The following IGFBP2 variants were observed in gnomAD, a reference collection of about 807,000 sequenced individuals.
The protein encoded by IGFBP2 is insulin-like growth factor-binding protein 2.
In IGFBP2, 12 loss-of-function variants were observed where a neutral mutation model predicts 26.2. That is an observed-to-expected ratio of 0.46 (90% CI 0.29 to 0.74). The LOEUF (loss-of-function observed/expected upper bound fraction) is 0.74, where lower values mean the gene tolerates loss of function less well. Ranked by LOEUF, IGFBP2 falls within the 30% of genes least tolerant of loss-of-function variation. IGFBP2 has a pLI of 0.09. For synonymous variants in IGFBP2, 189 were observed against 200.6 expected (o/e 0.94, Z 0.49); for missense variants, 328 against 441.2 (o/e 0.74, Z 2.30).
At position 216,660,803 on chromosome 2, in the gene IGFBP2, T is replaced by G; in HGVS notation, c.672+17T>G. The G allele has an allele frequency of 1.3e-6, 2 of 1,554,966 alleles. No homozygotes were observed. Among genetic ancestry groups the G allele is most frequent in the Non-Finnish European group, 1.7e-6 (2 of 1,149,304 alleles). On this transcript the variant is annotated intron_variant, in intron 2 of 3. Coordinates refer to ENST00000233809, the MANE Select transcript of IGFBP2 (RefSeq NM_000597.3). The stretch of plus-strand genomic sequence containing the variant: ...CCTGCCAGGGTCAGTGAGGGTCAGG[T>G]CTGGTGGAAGGGGTGGGAGGACAAG...
In IGFBP2 at chr2:216,643,405, G is replaced by A. The variant is rs189957093; in HGVS notation, c.442+9440G>A. 7.9e-5 allele frequency among the ~76,000 whole-genome samples: 12 copies of A among 152,242 alleles called. No homozygotes were observed. The East Asian group carries it at 1.9e-3, about 24-fold the overall frequency. On this transcript the variant is annotated intron_variant, in intron 1 of 3. Transcript: ENST00000233809. ...CAGCCTGTCTGTGCACAATGATGCC[G>A]AAGACTTTCTTTTCCAGCATCTAAT... is the stretch of plus-strand genomic sequence containing the variant.
intron 1 of IGFBP2, among the ~76,000 whole-genome samples, chr2:216,652,065 A>G (rs764856151): frequency 4.3e-4 from 64 of 147,996 alleles, no homozygotes; most frequent in South Asian, 2.2e-4. Context: ...CCTGGCCACC[A>G]CACATTTTTT....
chr2:216,660,605 A>G lies in IGFBP2; in HGVS notation c.491A>G (p.Asp164Gly). ...GGAGGCCTGGTGGAGAACCACGTGGACAGCACCATGAACATGTTGGGCGGG... is the reference window on the plus strand; with the variant it reads ...GGAGGCCTGGTGGAGAACCACGTGGGCAGCACCATGAACATGTTGGGCGGG... ...SEGGLVENHV[D>G]STMNMLGGGG... The change falls in exon 2 of 4, where the codon GAC becomes GGC. Residue 164 changes from aspartate (D) to glycine (G), a missense_variant. Physicochemically the swap from Asp to Gly is moderately conservative, Grantham distance 94. Coordinates refer to ENST00000233809, the MANE Select transcript of IGFBP2 (RefSeq NM_000597.3). 6.2e-7 allele frequency: 1 copy of G among 1,613,878 alleles called. No individual in the cohort carries two copies.
chr2:216,633,431 G>T lies in IGFBP2; in HGVS notation c.-93G>T, dbSNP rs1460084770. 1 of 197,138 alleles carries T rather than the reference G, an allele frequency of 5.1e-6. No homozygotes were observed. The highest frequency in any genetic ancestry group is 2.4e-5 in the African/African-American group (1 of 42,244). The allele number at this position is 197,138 out of a possible 1,614,324, so 12.2% of individuals were successfully genotyped here. A position where few individuals can be genotyped will look rare whatever the true frequency, so the allele number is the denominator to read the frequency against. On this transcript the variant is annotated 5_prime_UTR_variant, in exon 1 of 4. Transcript: ENST00000233809. ...CGGCGGCGAGGGAGGAGGAAGAAGC[G>T]GAGGAGGCGGCTCCCGCGCTCGCAG...
chr2:216,664,335 T>A lies in IGFBP2; in HGVS notation c.*231T>A. 2.4e-6 allele frequency: 1 copy of A among 410,318 alleles called. No homozygotes were observed. Among genetic ancestry groups the A allele is most frequent in the Non-Finnish European group, 4.3e-6 (1 of 231,266 alleles). 25.4% of individuals were successfully genotyped at this position (410,318 alleles called of 1,614,324 possible). On this transcript the variant is annotated 3_prime_UTR_variant, in exon 4 of 4. Transcript: ENST00000233809. The surrounding 1 kb of genome is among the most constrained non-coding windows in gnomAD (Gnocchi z 4.6). ...TTTCCCCGGGGGAGGAAGGGGGTTG[T>A]GGTCGGGGAGCTGGGGTACAGGTTT...
At chr2:216,634,002 G>A (rs1275565133) in intron 1 of IGFBP2, 37 bp downstream of exon 1, 1 of 1,546,050 alleles carries the variant, frequency 6.5e-7, no homozygotes. Flanking sequence ...GGAGAAACTT[G>A]GAGGGCAGCG....
At position 216,664,429 on chromosome 2, in the gene IGFBP2, A is replaced by G. The variant is rs1688722700; in HGVS notation, c.*325A>G. 5.0e-6 allele frequency: 1 copy of G among 199,116 alleles called. No homozygotes were observed. Among genetic ancestry groups the G allele is most frequent in the Non-Finnish European group, 1.0e-5 (1 of 99,242 alleles). 12.3% of individuals were successfully genotyped at this position (199,116 alleles called of 1,614,324 possible). ...CTTTTGCATAAGATTAAAGGAAGGAAAAGTAAAGTGTGTGTCTTTTGCCTG... is the reference window on the plus strand; with the variant it reads ...CTTTTGCATAAGATTAAAGGAAGGAGAAGTAAAGTGTGTGTCTTTTGCCTG... On this transcript the variant is annotated 3_prime_UTR_variant, in exon 4 of 4. Transcript: ENST00000233809. The surrounding 1 kb of genome is among the most constrained non-coding windows in gnomAD (Gnocchi z 4.6).
At chr2:216,649,776 A>G (rs1697783131) in intron 1 of IGFBP2, among the ~76,000 whole-genome samples, 2 of 152,170 alleles carry the variant, frequency 1.3e-5, no homozygotes, top group Admixed American at 1.3e-4. Flanking sequence ...CCTGATGTTT[A>G]TAAAGGAGCC....
At chr2:216,637,993 G>A (rs1311701130) in intron 1 of IGFBP2, among the ~76,000 whole-genome samples, 1 of 152,164 alleles carries the variant, frequency 6.6e-6, no homozygotes. Context: ...TTGGAGACCA[G>A]CCTGGCCAGT....
chr2:216,641,380 A>C (rs1483604236), intron 1 of IGFBP2, among the ~76,000 whole-genome samples: 1 of 152,182 alleles, frequency 6.6e-6, no homozygotes, highest in African/African-American at 2.4e-5. Context: ...CTTATTTGCA[A>C]ATCAGAAATT....
chr2:216,662,019 G>A (rs1473489758), intron 3 of IGFBP2, 21 bp downstream of exon 3: 1 of 1,612,690 alleles, frequency 6.2e-7, no homozygotes, highest in South Asian at 1.1e-5. Flanking sequence ...TGCCAGCCTG[G>A]GCCAGAGCAG....
intron 1 of IGFBP2, among the ~76,000 whole-genome samples, chr2:216,658,967 G>T (rs1697974904): frequency 5.3e-5 from 8 of 152,250 alleles, no homozygotes. Context: ...GAGGGTCTGT[G>T]TGGGGAGAAC....
In IGFBP2 at chr2:216,633,522, G is replaced by A; in HGVS notation, c.-2G>A. ...CGCCGCGCCGCGCTGCCGACCGCCA[G>A]CATGCTGCCGAGAGTGGGCTGCCCC... On this transcript the variant is annotated 5_prime_UTR_variant, in exon 1 of 4. Coordinates refer to ENST00000233809, the MANE Select transcript of IGFBP2 (RefSeq NM_000597.3). 1.2e-6 allele frequency: 1 copy of A among 816,812 alleles called. No homozygotes were observed. Among genetic ancestry groups the A allele is most frequent in the Non-Finnish European group, 1.5e-6 (1 of 673,612 alleles). 50.6% of individuals were successfully genotyped at this position (816,812 alleles called of 1,614,324 possible). A position where few individuals can be genotyped will look rare whatever the true frequency, so the allele number is the denominator to read the frequency against.
At chr2:216,647,368 T>C (rs1697730619) in intron 1 of IGFBP2, among the ~76,000 whole-genome samples, 1 of 152,226 alleles carries the variant, frequency 6.6e-6, no homozygotes, top group Non-Finnish European at 1.5e-5. Flanking sequence ...GAAGCTTCTG[T>C]CCTTAGGAGG....
rs1553545471 is a variant in IGFBP2 at position 216,633,567 on chromosome 2, C to CGCCGCCGCT, written c.49_50insCGCTGCCGC (p.Pro16_Leu17insProLeuPro). On this transcript the variant is annotated inframe_insertion, in exon 1 of 4. Coordinates refer to ENST00000233809, the MANE Select transcript of IGFBP2 (RefSeq NM_000597.3). ...TGCCCCGCGCTGCCGCTGCCGCCGC[C>CGCCGCCGCT]GCCGCTGCTGCCGCTGCTGCTGCTG... The CGCCGCCGCT allele has an allele frequency of 3.1e-5, 30 of 970,468 alleles. No homozygotes were observed. The South Asian group carries it at 3.4e-4, about 11-fold the overall frequency. The allele number at this position is 970,468 out of a possible 1,614,324, so 60.1% of individuals were successfully genotyped here. A position where few individuals can be genotyped will look rare whatever the true frequency, so the allele number is the denominator to read the frequency against.
Position 216,662,014 on chromosome 2 carries a change from G to C in IGFBP2, c.813+16G>C, listed in dbSNP as rs1054902428. The C allele has an allele frequency of 4.3e-6, 7 of 1,613,300 alleles. No homozygotes were observed. The highest frequency in any genetic ancestry group is 5.9e-6 in the Non-Finnish European group (7 of 1,179,532). On this transcript the variant is annotated intron_variant, in intron 3 of 3. Coordinates refer to ENST00000233809, the MANE Select transcript of IGFBP2 (RefSeq NM_000597.3). ...CCTCAAACAGGTGAGCATGGTGCCA[G>C]CCTGGGCCAGAGCAGCTCCTCCTCA...
intron 1 of IGFBP2, among the ~76,000 whole-genome samples, chr2:216,645,197 G>A (rs1697687587): frequency 6.6e-6 from 1 of 152,210 alleles, no homozygotes; most frequent in African/African-American, 2.4e-5. Flanking sequence ...AGTTGCTATA[G>A]CAACAGTGGT....
intron 1 of IGFBP2, among the ~76,000 whole-genome samples, chr2:216,652,267 G>A (rs569167796): frequency 2.2e-4 from 33 of 150,202 alleles, no homozygotes; most frequent in East Asian, 3.9e-4. Context: ...TCCGCTTCCC[G>A]GGTTCAAGTG....
Position 216,633,574 on chromosome 2 carries a change from G to GCTGCCGCT in IGFBP2, c.52_59dup (p.Leu21CysfsTer150). 1.0e-6 allele frequency: 1 copy of GCTGCCGCT among 1,001,396 alleles called. No individual in the cohort carries two copies. Among genetic ancestry groups the GCTGCCGCT allele is most frequent in the Non-Finnish European group, 1.2e-6 (1 of 845,102 alleles). 62.0% of individuals were successfully genotyped at this position (1,001,396 alleles called of 1,614,324 possible). Reference sequence around the variant, plus strand: ...CGCTGCCGCTGCCGCCGCCGCCGCTGCTGCCGCTGCTGCTGCTGCTACTGG... The same window carrying GCTGCCGCT: ...CGCTGCCGCTGCCGCCGCCGCCGCTGCTGCCGCTCTGCCGCTGCTGCTGCTGCTACTGG... On this transcript the variant is annotated frameshift_variant, in exon 1 of 4. Transcript: ENST00000233809. LOFTEE classifies it high-confidence loss of function.
Sources: allele counts gnomAD v4.1 joint callset (sites outside exome capture counted in the v4.1 genomes callset), GRCh38; gene constraint gnomAD v4.1.1; non-coding constraint Gnocchi (gnomAD v3.1); transcripts MANE v1.5; gene names NCBI Gene and HGNC (gene_info 2026-07-23, HGNC 2026-07-21).